Variants in DPP6 observed in about 807,000 individuals in gnomAD.
DPP6 encodes the protein A-type potassium channel modulatory protein DPP6.
Under a neutral mutation model 122.6 loss-of-function variants are expected in DPP6, and 69 were observed. The ratio of observed to expected loss-of-function variants is 0.56; its 90% confidence interval spans 0.46 to 0.69. The LOEUF is 0.69. DPP6 is among the 30% of genes least tolerant of loss of function. The pLI, the probability that DPP6 is intolerant of heterozygous loss-of-function variation, is 0.00. For synonymous variants in DPP6, 418 were observed against 433.1 expected (o/e 0.97, Z 0.43); for missense variants, 928 against 1,116.9 (o/e 0.83, Z 2.41).
chr7:154,058,473 C>T (rs1309865196), intron 1 of DPP6: 1 of 127,054 alleles, frequency 7.9e-6, no homozygotes, highest in Non-Finnish European at 1.7e-5. Flanking sequence ...GTACCCCCAT[C>T]GTAGGGGGGG....
chr7:154,408,089 A>C (rs1269426762), intron 1 of DPP6, among the ~76,000 whole-genome samples: 2 of 152,232 alleles, frequency 1.3e-5, no homozygotes, highest in African/African-American at 2.4e-5. Context: ...TAGTAGTAAT[A>C]GTAGGAAATT....
intron 1 of DPP6, among the ~76,000 whole-genome samples, chr7:154,355,756 C>G (rs996881302): frequency 2.0e-5 from 3 of 152,144 alleles, no homozygotes; most frequent in Non-Finnish European, 4.4e-5. Flanking sequence ...GTTACTATAT[C>G]TTGTTAACTG....
chr7:154,551,131 C>T lies in DPP6; in HGVS notation c.552+10505C>T, dbSNP rs149048560. Among the ~76,000 whole-genome samples the T allele has an allele frequency of 3.6e-3, 546 of 152,162 alleles. 2 individuals are homozygous for T. Among genetic ancestry groups the T allele is most frequent in the African/African-American group, 0.012 (489 of 41,518 alleles). ...TTTGATTTTTACAAACTTCTTTTACCATTTTTTATAAGTTTCAAATGAGTT... is the reference window on the plus strand; with the variant it reads ...TTTGATTTTTACAAACTTCTTTTACTATTTTTTATAAGTTTCAAATGAGTT... On this transcript the variant is annotated intron_variant, in intron 4 of 25. Transcript: ENST00000377770.
upstream of DPP6, among the ~76,000 whole-genome samples, chr7:154,051,662 C>G (rs1415859203): frequency 6.6e-6 from 1 of 150,444 alleles, no homozygotes; most frequent in Non-Finnish European, 1.5e-5. Context: ...GCCGGAGAGC[C>G]GAGCCTCCGC....
intron 2 of DPP6, among the ~76,000 whole-genome samples, chr7:154,455,393 C>A (rs558876608): frequency 6.6e-6 from 1 of 152,088 alleles, no homozygotes; most frequent in African/African-American, 2.4e-5. Context: ...TCCACCACCA[C>A]GAGCAAGACC....
At chr7:154,675,253 T>A (rs79326351) in intron 7 of DPP6, among the ~76,000 whole-genome samples, 2 of 152,210 alleles carry the variant, frequency 1.3e-5, no homozygotes, top group South Asian at 2.1e-4. Context: ...AAATACCTAA[T>A]GTAAATGACA....
chr7:154,342,336 G>C (rs1218147127), intron 1 of DPP6, among the ~76,000 whole-genome samples: 2 of 152,226 alleles, frequency 1.3e-5, no homozygotes, highest in African/African-American at 4.8e-5. Context: ...TTGAGCCGGG[G>C]ATAGGGTGTG....
intron 8 of DPP6, among the ~76,000 whole-genome samples, chr7:154,735,848 A>T (rs1005209335): frequency 1.7e-4 from 26 of 152,242 alleles, no homozygotes; most frequent in Admixed American, 5.2e-4. Context: ...GGAGCATAAC[A>T]TAGACTGTGA....
At chr7:154,166,111 A>C (rs28613077) in intron 1 of DPP6, among the ~76,000 whole-genome samples, 16,504 of 151,980 alleles carry the variant, frequency 0.11, 2,938 homozygotes, top group African/African-American at 0.37. Flanking sequence ...TGGGATGTGG[A>C]CCCTTCTTCC....
intron 1 of DPP6, among the ~76,000 whole-genome samples, chr7:154,224,516 A>T (rs576095588): frequency 1.3e-5 from 2 of 149,008 alleles, no homozygotes; most frequent in South Asian, 4.3e-4. Flanking sequence ...GGCCATTCCA[A>T]TCAACTGCAA....
chr7:153,924,680 C>G (rs1800806676), intron 1 of DPP6, among the ~76,000 whole-genome samples: 1 of 152,158 alleles, frequency 6.6e-6, no homozygotes, highest in Non-Finnish European at 1.5e-5. Flanking sequence ...TCTTTGATGC[C>G]AGTAAGCAAC....
the DPP6 span, among the ~76,000 whole-genome samples, chr7:153,851,757 T>C: frequency 6.6e-6 from 1 of 152,190 alleles, no homozygotes; most frequent in Non-Finnish European, 1.5e-5. Context: ...TTTCTAGACA[T>C]TCTTTCATAT....
At chr7:154,791,945 A>C (rs1043076213) in intron 10 of DPP6, among the ~76,000 whole-genome samples, 1 of 152,248 alleles carries the variant, frequency 6.6e-6, no homozygotes, top group South Asian at 2.1e-4. Flanking sequence ...AGAAATAGAA[A>C]AACTAAGAAT....
the DPP6 span, among the ~76,000 whole-genome samples, chr7:153,865,715 A>C: frequency 6.6e-6 from 1 of 152,118 alleles, no homozygotes; most frequent in African/African-American, 2.4e-5. Flanking sequence ...CGTTTGTTAC[A>C]TATGTATACA....
intron 5 of DPP6, among the ~76,000 whole-genome samples, chr7:154,569,606 A>G (rs1830983018): frequency 6.6e-6 from 1 of 151,926 alleles, no homozygotes; most frequent in South Asian, 2.1e-4. Context: ...TCAACTTTTC[A>G]TTAAAAAGAC....
At chr7:154,245,214 A>G (rs554223870) in intron 1 of DPP6, among the ~76,000 whole-genome samples, 1 of 151,938 alleles carries the variant, frequency 6.6e-6, no homozygotes, top group African/African-American at 2.4e-5. Flanking sequence ...CGGCCTCCCA[A>G]ATTGCTGAGA....
intron 5 of DPP6, among the ~76,000 whole-genome samples, chr7:154,622,122 A>G (rs1834726575): frequency 6.6e-6 from 1 of 152,314 alleles, no homozygotes; most frequent in African/African-American, 2.4e-5. Context: ...TCACTCACCA[A>G]GAGACGGTAA....
At chr7:154,426,146 G>A (rs1045824206) in intron 1 of DPP6, among the ~76,000 whole-genome samples, 5 of 152,236 alleles carry the variant, frequency 3.3e-5, no homozygotes, top group Admixed American at 6.5e-5. Flanking sequence ...CAACACAGCC[G>A]CTGCAGTTGT....
At chr7:154,708,131 T>G (rs1840936711) in intron 7 of DPP6, among the ~76,000 whole-genome samples, 1 of 152,226 alleles carries the variant, frequency 6.6e-6, no homozygotes, top group African/African-American at 2.4e-5. Flanking sequence ...CATTGGGTAC[T>G]CTGAGAATGA....
Sources: gnomAD v4.1 joint callset for allele counts (sites outside exome capture counted in the v4.1 genomes callset) on GRCh38, gnomAD v4.1.1 for gene constraint, MANE v1.5 for transcripts, NCBI Gene and HGNC (gene_info 2026-07-23, HGNC 2026-07-21) for gene names.